Variants in PCDHA2 observed in about 807,000 individuals in gnomAD.
PCDHA2 encodes the protein protocadherin alpha 2.
In PCDHA2, 58 loss-of-function variants were observed where a neutral mutation model predicts 66.0. The observed-to-expected ratio is 0.88, with a 90% CI of 0.71 to 1.09. The LOEUF is 1.09. Among genes scored for constraint, PCDHA2 ranks in the 50% least tolerant of loss-of-function variants. PCDHA2 has a pLI of 0.00. For synonymous variants in PCDHA2, 634 were observed against 554.0 expected (o/e 1.14, Z -2.03); for missense variants, 1,267 against 1,242.3 (o/e 1.02, Z -0.30).
intron 1 of PCDHA2, among the ~76,000 whole-genome samples, chr5:140,970,530 T>C (rs1554232541): frequency 6.6e-6 from 1 of 151,424 alleles, no homozygotes; most frequent in Non-Finnish European, 1.5e-5. Context: ...GATGAATATG[T>C]GTGTGTGTTT....
chr5:140,873,634 G>C (rs1040264226), intron 1 of PCDHA2, among the ~76,000 whole-genome samples: 1 of 152,158 alleles, frequency 6.6e-6, no homozygotes, highest in Non-Finnish European at 1.5e-5. Flanking sequence ...AGGTCAAAGA[G>C]TATGTGAGAA....
In PCDHA2 at chr5:140,857,236, G is replaced by C; in HGVS notation, c.2388+59884G>C. On this transcript the variant is annotated intron_variant, in intron 1 of 3. Transcript: ENST00000526136. ...TGACGCCTCACGTTCCGTTCAAGCTGGTGTCCACCTACAAGAATTACTACT... is the reference window on the plus strand; with the variant it reads ...TGACGCCTCACGTTCCGTTCAAGCTCGTGTCCACCTACAAGAATTACTACT... 6.9e-6 allele frequency: 11 copies of C among 1,598,556 alleles called. 1 individual carries two copies. Among genetic ancestry groups the C allele is most frequent in the Non-Finnish European group, 8.6e-6 (10 of 1,167,952 alleles).
chr5:140,982,623 C>T, intron 3 of PCDHA2, 60 bp downstream of exon 3: 1 of 1,583,652 alleles, frequency 6.3e-7, no homozygotes, highest in South Asian at 1.2e-5. Context: ...AGATGACCTA[C>T]TTTTGTAAGA....
At position 140,881,347 on chromosome 5, in the gene PCDHA2, C is replaced by A; in HGVS notation, c.2388+83995C>A. 3 of 985,212 alleles carry A rather than the reference C, an allele frequency of 3.0e-6. No homozygotes were observed. In the African/African-American group the frequency reaches 5.2e-5, roughly 17 times the overall value. 61.0% of individuals were successfully genotyped at this position (985,212 alleles called of 1,614,324 possible). ...TTAACCAGGACGCCGATTCGGGCTA[C>A]AATGCGTGGCTTTCGTATGAATTGC... On this transcript the variant is annotated intron_variant, in intron 1 of 3. Transcript: ENST00000526136.
At chr5:140,849,528 G>T in intron 1 of PCDHA2, 4 of 1,597,792 alleles carry the variant, frequency 2.5e-6, no homozygotes, top group Non-Finnish European at 3.4e-6. Flanking sequence ...GGATGTAAAT[G>T]ACAATGCTCC....
intron 1 of PCDHA2, among the ~76,000 whole-genome samples, chr5:140,949,788 G>C (rs2094421903): frequency 6.6e-6 from 1 of 151,684 alleles, no homozygotes; most frequent in Non-Finnish European, 1.5e-5. Context: ...GTTTAGATTT[G>C]TGTCCTTCAA....
chr5:140,876,829 C>T (rs782699472), intron 1 of PCDHA2: 2 of 1,614,196 alleles, frequency 1.2e-6, no homozygotes, highest in Non-Finnish European at 1.7e-6. Context: ...CGACAATGCG[C>T]CTGCGTTCGC....
chr5:140,872,792 G>T (rs1474880199), intron 1 of PCDHA2, among the ~76,000 whole-genome samples: 1 of 152,054 alleles, frequency 6.6e-6, no homozygotes, highest in African/African-American at 2.4e-5. Context: ...ATGCTAGTTG[G>T]CATTCTTCCA....
At chr5:140,882,824 C>G in intron 1 of PCDHA2, 6 of 1,614,206 alleles carry the variant, frequency 3.7e-6, no homozygotes, top group Non-Finnish European at 5.1e-6. Flanking sequence ...ACAAAACAGT[C>G]TTGAGCAAAT....
chr5:140,871,722 A>G (rs1354844618), intron 1 of PCDHA2: 1 of 760,470 alleles, frequency 1.3e-6, no homozygotes, highest in Non-Finnish European at 2.0e-6. Context: ...ATTTCTCTTA[A>G]TATTTGGTTA....
At chr5:140,905,621 T>C (rs1180191773) in intron 1 of PCDHA2, among the ~76,000 whole-genome samples, 1 of 152,224 alleles carries the variant, frequency 6.6e-6, no homozygotes, top group Non-Finnish European at 1.5e-5. Flanking sequence ...TAGATTGCTT[T>C]TGACAGTATG....
chr5:140,816,075 T>C (rs1464716932), intron 1 of PCDHA2: 1 of 152,232 alleles, frequency 6.6e-6, no homozygotes, highest in African/African-American at 2.4e-5. Context: ...AGATGTAATT[T>C]TAAAAAATAA....
intron 1 of PCDHA2, chr5:140,841,972 G>A: frequency 6.2e-7 from 1 of 1,613,874 alleles, no homozygotes; most frequent in East Asian, 2.2e-5. Context: ...CCACAGATGG[G>A]GGCAAACCTG....
Position 140,829,129 on chromosome 5 carries a change from C to G in PCDHA2, c.2388+31777C>G. 1 of 1,612,248 alleles carries G rather than the reference C, an allele frequency of 6.2e-7. No homozygotes were observed. Among genetic ancestry groups the G allele is most frequent in the Admixed American group, 1.7e-5 (1 of 59,996 alleles). ...TGAGAATTTTGGATAAAAATGATAA[C>G]GTCCCTGAGATAGCACTGACTTCCT... is the stretch of plus-strand genomic sequence containing the variant. On this transcript the variant is annotated intron_variant, in intron 1 of 3. Coordinates refer to ENST00000526136, the MANE Select transcript of PCDHA2 (RefSeq NM_018905.3).
chr5:140,841,061 G>T (rs1479133522), intron 1 of PCDHA2: 1 of 457,826 alleles, frequency 2.2e-6, no homozygotes, highest in Non-Finnish European at 3.8e-6. Flanking sequence ...ATTAAATTAT[G>T]ATAAAGAAAT....
chr5:140,983,275 A>C (rs1279699182), intron 3 of PCDHA2, among the ~76,000 whole-genome samples: 1 of 152,230 alleles, frequency 6.6e-6, no homozygotes, highest in Non-Finnish European at 1.5e-5. Flanking sequence ...TGGCTGGGTG[A>C]GTATAGGAAA....
intron 1 of PCDHA2, among the ~76,000 whole-genome samples, chr5:140,926,138 T>C (rs2082936633): frequency 6.6e-6 from 1 of 152,004 alleles, no homozygotes; most frequent in African/African-American, 2.4e-5. Flanking sequence ...CGCAGCAGGA[T>C]CCAGCGCGGA....
chr5:140,810,185 T>A (rs1764614415), intron 1 of PCDHA2: 1 of 152,278 alleles, frequency 6.6e-6, no homozygotes, highest in African/African-American at 2.4e-5. Context: ...GTAGTTTATT[T>A]ATTTCTGTTT....
At chr5:140,928,208 A>G in intron 1 of PCDHA2, 1 of 1,614,228 alleles carries the variant, frequency 6.2e-7, no homozygotes, top group Non-Finnish European at 8.5e-7. Context: ...GCTGATGTGA[A>G]TGACAATACA....
Sources: gnomAD v4.1 joint callset for allele counts (sites outside exome capture counted in the v4.1 genomes callset) on GRCh38, gnomAD v4.1.1 for gene constraint, MANE v1.5 for transcripts, NCBI Gene and HGNC (gene_info 2026-07-23, HGNC 2026-07-21) for gene names.